Variants in SMCO3 observed in about 807,000 individuals in gnomAD.
The protein encoded by SMCO3 is single-pass membrane and coiled-coil domain-containing protein 3.
Under a neutral mutation model 12.0 loss-of-function variants are expected in SMCO3, and 6 were observed. The ratio of observed to expected loss-of-function variants is 0.50; its 90% CI spans 0.27 to 0.99. SMCO3 has a LOEUF of 0.99. Ranked by LOEUF, SMCO3 falls within the 50% of genes least tolerant of loss-of-function variation. The probability of loss-of-function intolerance (pLI) is 0.11; values close to 1 mark genes in which losing one functional copy is unlikely to be tolerated. For synonymous variants in SMCO3, 96 were observed against 96.4 expected (o/e 1.00, Z 0.02); for missense variants, 279 against 265.0 (o/e 1.05, Z -0.37).
At chr12:14,812,097 A>G (rs1377295838) in intron 1 of SMCO3, among the ~76,000 whole-genome samples, 1 of 152,256 alleles carries the variant, frequency 6.6e-6, no homozygotes, top group African/African-American at 2.4e-5. Flanking sequence ...TTATCATAAT[A>G]GTATAAATAA....
rs1950038771 is a variant in SMCO3, at chr12:14,805,821, G to A, written c.*182C>T. ...CAGGGTCTAGCATCAGCTGATCCAG[G>A]CATTGTTGACTCAAAACTCATCTAG... On this transcript the variant is annotated 3_prime_UTR_variant, in exon 2 of 2. Transcript: ENST00000316048. The A allele has an allele frequency of 4.5e-6, 3 of 670,264 alleles. No homozygotes were observed. The highest frequency in any genetic ancestry group is 7.4e-6 in the Non-Finnish European group (3 of 406,426). The allele number at this position is 670,264 out of a possible 1,614,324, so 41.5% of individuals were successfully genotyped here.
intron 1 of SMCO3, among the ~76,000 whole-genome samples, chr12:14,813,904 T>A (rs1950178925): frequency 6.6e-6 from 1 of 152,198 alleles, no homozygotes; most frequent in African/African-American, 2.4e-5. Flanking sequence ...TCCTAGAAAT[T>A]GTTAATTTTC....
At chr12:14,807,513 A>G (rs938259049) in intron 1 of SMCO3, among the ~76,000 whole-genome samples, 2 of 152,206 alleles carry the variant, frequency 1.3e-5, no homozygotes, top group Non-Finnish European at 1.5e-5. Flanking sequence ...TTGTATTTCA[A>G]TACTTGGTTA....
At chr12:14,809,955 CTAAAG>C (rs1950110432) in intron 1 of SMCO3, among the ~76,000 whole-genome samples, 1 of 152,332 alleles carries the variant, frequency 6.6e-6, no homozygotes, top group South Asian at 2.1e-4. Flanking sequence ...TTTTCAACTA[CTAAAG>C]TAATGTTTTT....
chr12:14,808,368 A>C (rs1009463641), intron 1 of SMCO3, among the ~76,000 whole-genome samples: 5 of 151,618 alleles, frequency 3.3e-5, no homozygotes, highest in Admixed American at 1.3e-4. Flanking sequence ...TGTGGCTGGT[A>C]CTTTTTTTTT....
intron 1 of SMCO3, among the ~76,000 whole-genome samples, chr12:14,808,545 A>G (rs1167775352): frequency 3.9e-5 from 6 of 152,238 alleles, no homozygotes; most frequent in African/African-American, 1.4e-4. Context: ...CCTCAGAAGT[A>G]TGGAATGTAG....
chr12:14,809,274 C>T (rs71532844), intron 1 of SMCO3, among the ~76,000 whole-genome samples: 3,913 of 152,226 alleles, frequency 0.026, 63 homozygotes, highest in Middle Eastern at 0.082. Context: ...TCCAAGTGGT[C>T]GGCTCCTTTT....
rs1950046587 is a variant in SMCO3, at chr12:14,806,210, A to G, written c.471T>C (p.Ala157=). Residue 157 remains alanine (A), a synonymous_variant, in exon 2 of 2, where the codon GCT becomes GCC. Transcript: ENST00000316048. ...KLVTVLAQIG[A]SLLGSIGVAV... ...CAACTCCAATACTACCAAGGAGAGA[A>G]GCACCAATTTGAGCTAACACAGTGA... is the stretch of plus-strand genomic sequence containing the variant. The G allele has an allele frequency of 6.2e-7, 1 of 1,614,030 alleles. No homozygotes were observed. Among genetic ancestry groups the G allele is most frequent in the African/African-American group, 1.3e-5 (1 of 74,920 alleles).
rs529595788 is a variant in SMCO3, at chr12:14,813,041, A to G, written c.-17+1085T>C. On this transcript the variant is annotated intron_variant, in intron 1 of 1. Transcript: ENST00000316048. ...TTTGTTCACAAATAATCTGGAAAGAATAGTGGGGTAGGGTTATAGAGGAAA... is the reference window on the plus strand; with the variant it reads ...TTTGTTCACAAATAATCTGGAAAGAGTAGTGGGGTAGGGTTATAGAGGAAA... 1.8e-3 allele frequency among the ~76,000 whole-genome samples: 281 copies of G among 152,344 alleles called. 4 individuals carry two copies. Among genetic ancestry groups the G allele is most frequent in the Admixed American group, 9.7e-3 (148 of 15,302 alleles).
At position 14,806,131 on chromosome 12, in the gene SMCO3, C is replaced by G. The variant is rs767616071; in HGVS notation, c.550G>C (p.Glu184Gln). The G allele has an allele frequency of 5.0e-6, 8 of 1,614,094 alleles. No homozygotes were observed. The South Asian group carries it at 8.8e-5, about 18-fold the overall frequency. ...ATGGCTGCTTGAAGCTGTGTTTTTT[C>G]CACTGCTCCCAGGATGGCACGGACA... The part of the protein sequence containing the change: ...MIVRAILGAV[E>Q]KTQLQAAIKS... Residue 184 changes from glutamate to glutamine, a missense_variant, in exon 2 of 2, where the codon GAA (glutamate) becomes CAA (glutamine). Coordinates refer to ENST00000316048, the MANE Select transcript of SMCO3 (RefSeq NM_001013698.2).
rs1486546048 is a variant in SMCO3 at position 14,806,074 on chromosome 12, T to G, written c.607A>C (p.Lys203Gln). Residue 203 changes from lysine to glutamine, a missense_variant, in exon 2 of 2, where the codon AAA becomes CAA. Transcript: ENST00000316048. ...TGATTATATTTTTCTGAGGCTGATT[T>G]GAACTCCACCAGATGCTTCTCATAA... is the stretch of plus-strand genomic sequence containing the variant. ...KSYEKHLVEF[K>Q]SASEKYNHAI... The G allele has an allele frequency of 6.2e-7, 1 of 1,614,104 alleles. No homozygotes were observed. Among genetic ancestry groups the G allele is most frequent in the Non-Finnish European group, 8.5e-7 (1 of 1,180,056 alleles).
At position 14,806,007 on chromosome 12, in the gene SMCO3, T is replaced by A. The variant is rs1426597332; in HGVS notation, c.674A>T (p.Lys225Ile). The part of the protein sequence containing the change: ...EVINTVKHQM[K>I] ...AGTGGCAAATAAAACGGCTGTTCAT[T>A]TCATTTGGTGTTTCACTGTATTGAT... is the stretch of plus-strand genomic sequence containing the variant. Residue 225 changes from lysine (K) to isoleucine (I), a missense_variant, in exon 2 of 2, where the codon AAA becomes ATA. Physicochemically the swap from Lys to Ile is moderately radical, Grantham distance 102. Coordinates refer to ENST00000316048, the MANE Select transcript of SMCO3 (RefSeq NM_001013698.2). 1.4e-5 allele frequency: 22 copies of A among 1,598,618 alleles called. No individual in the cohort carries two copies. The highest frequency in any genetic ancestry group is 1.9e-5 in the Non-Finnish European group (22 of 1,171,246).
At chr12:14,808,861 A>G (rs151062551) in intron 1 of SMCO3, among the ~76,000 whole-genome samples, 152 of 152,332 alleles carry the variant, frequency 1.0e-3, no homozygotes, top group African/African-American at 3.6e-3. Flanking sequence ...TCCTAATCCA[A>G]TTCCCTTTAA....
intron 1 of SMCO3, among the ~76,000 whole-genome samples, chr12:14,813,486 AT>A (rs1950171927): frequency 6.6e-6 from 1 of 152,274 alleles, no homozygotes; most frequent in South Asian, 2.1e-4. Context: ...ATATAAATTC[AT>A]TTAAAAAATG....
chr12:14,806,825 C>T, intron 1 of SMCO3, 129 bp from the exon 2 acceptor site: 2 of 844,736 alleles, frequency 2.4e-6, no homozygotes, highest in Non-Finnish European at 3.6e-6. Flanking sequence ...GATAATTCCT[C>T]AGAACACTCA....
chr12:14,811,145 G>T (rs191566570), intron 1 of SMCO3, among the ~76,000 whole-genome samples: 228 of 152,292 alleles, frequency 1.5e-3, no homozygotes, highest in African/African-American at 5.2e-3. Flanking sequence ...TCACATGATG[G>T]TGCTTCCTGT....
intron 1 of SMCO3, 28 bp from the exon 2 acceptor site, chr12:14,806,724 T>C: frequency 6.5e-7 from 1 of 1,531,172 alleles, no homozygotes; most frequent in Non-Finnish European, 8.8e-7. Flanking sequence ...AAATTTTTAC[T>C]GAAAGTCTTA....
intron 1 of SMCO3, among the ~76,000 whole-genome samples, chr12:14,809,760 T>C (rs1251713014): frequency 6.6e-6 from 1 of 151,530 alleles, no homozygotes; most frequent in African/African-American, 2.4e-5. Flanking sequence ...AGATGGCCAA[T>C]GTAAAAAGAA....
intron 1 of SMCO3, among the ~76,000 whole-genome samples, chr12:14,812,067 G>A (rs1312415594): frequency 6.6e-6 from 1 of 152,128 alleles, no homozygotes; most frequent in Non-Finnish European, 1.5e-5. Flanking sequence ...TTGTTTATAT[G>A]CATAAGTATC....
Sources: allele counts gnomAD v4.1 joint callset (sites outside exome capture counted in the v4.1 genomes callset), GRCh38; gene constraint gnomAD v4.1.1; transcripts MANE v1.5; gene names NCBI Gene and HGNC (gene_info 2026-07-23, HGNC 2026-07-21).